Variants in ARHGEF7 observed in about 807,000 individuals in gnomAD.
ARHGEF7 encodes PAK-interacting exchange factor beta.
In ARHGEF7, 33 loss-of-function variants were observed where a neutral mutation model predicts 109.8. The ratio of observed to expected loss-of-function variants is 0.30; its 90% confidence interval spans 0.23 to 0.40. The LOEUF (loss-of-function observed/expected upper bound fraction) is 0.40, where lower values mean the gene tolerates loss of function less well. ARHGEF7 is among the 10% of genes least tolerant of loss of function. ARHGEF7 has a pLI of 1.00. For synonymous variants in ARHGEF7, 458 were observed against 424.6 expected (o/e 1.08, Z -0.97); for missense variants, 938 against 1,098.5 (o/e 0.85, Z 2.07).
intron 19 of ARHGEF7, among the ~76,000 whole-genome samples, chr13:111,295,720 T>C (rs1020370230): frequency 6.6e-6 from 1 of 152,204 alleles, no homozygotes; most frequent in Non-Finnish European, 1.5e-5. Flanking sequence ...ATTAGACCCT[T>C]AGAGCCATAA....
intron 2 of ARHGEF7, among the ~76,000 whole-genome samples, chr13:111,190,320 T>C (rs1464561593): frequency 1.3e-5 from 2 of 152,158 alleles, no homozygotes; most frequent in Non-Finnish European, 2.9e-5. Flanking sequence ...TGAAAGGCAT[T>C]GTCTGACTTC....
At chr13:111,217,414 C>G (rs2083274519) in intron 4 of ARHGEF7, among the ~76,000 whole-genome samples, 1 of 152,172 alleles carries the variant, frequency 6.6e-6, no homozygotes, top group South Asian at 2.1e-4. Context: ...TAGTGTGACT[C>G]TGTCTCTGTC....
chr13:111,163,092 A>G (rs898978095), intron 2 of ARHGEF7, among the ~76,000 whole-genome samples: 2 of 152,226 alleles, frequency 1.3e-5, no homozygotes, highest in African/African-American at 4.8e-5. Context: ...TGGTCACAAC[A>G]TAGTGTTTAT....
rs907593695 is a variant in ARHGEF7 at position 111,286,168 on chromosome 13, A to T, written c.1972A>T (p.Thr658Ser). ...YKEDLSKSPK[T>S]MKKLLPKRKP... ...CTAGGATCTTAGTAAGAGCCCTAAG[A>T]CCATGAAAAAGCTGCTGCCCAAGCG... Residue 658 changes from threonine to serine, a missense_variant, in exon 17 of 22, where the codon ACC (threonine) becomes TCC (serine). By Grantham distance (58) the Thr-to-Ser change is moderately conservative. Around this residue, in one of 4 missense-constraint regions of ARHGEF7, gnomAD observed 585 missense variants for 723.6 expected, o/e 0.81. Transcript: ENST00000646102. 1.2e-6 allele frequency: 2 copies of T among 1,613,986 alleles called. No individual in the cohort carries two copies. The highest frequency in any genetic ancestry group is 1.7e-6 in the Non-Finnish European group (2 of 1,179,902).
chr13:111,257,934 C>G (rs1379930674), intron 8 of ARHGEF7, among the ~76,000 whole-genome samples: 1 of 152,212 alleles, frequency 6.6e-6, no homozygotes, highest in African/African-American at 2.4e-5. Context: ...TCTGGCAGGC[C>G]CCGCCACTGT....
intron 8 of ARHGEF7, among the ~76,000 whole-genome samples, chr13:111,247,074 A>G (rs1003721143): frequency 6.6e-6 from 1 of 152,230 alleles, no homozygotes; most frequent in African/African-American, 2.4e-5. Flanking sequence ...ACGAGGTGTT[A>G]GAGTTCCACG....
upstream of ARHGEF7, chr13:111,114,781 GCCGCGCTCC>G (rs2066637742): frequency 6.6e-6 from 1 of 152,238 alleles, no homozygotes; most frequent in African/African-American, 2.4e-5. Flanking sequence ...TGAGGTCGGC[GCCGCGCTCC>G]GGAGAGTCGG....
At chr13:111,206,883 AC>A (rs1158488427) in intron 3 of ARHGEF7, among the ~76,000 whole-genome samples, 1 of 150,166 alleles carries the variant, frequency 6.7e-6, no homozygotes, top group Non-Finnish European at 1.5e-5. Flanking sequence ...AATGGCGTGA[AC>A]CCGGGAGGCG....
chr13:111,262,360 C>T (rs537449005), intron 8 of ARHGEF7, among the ~76,000 whole-genome samples: 1 of 152,224 alleles, frequency 6.6e-6, no homozygotes, highest in African/African-American at 2.4e-5. Context: ...ACAAGAGAGA[C>T]CTGCCAGAGG....
intron 1 of ARHGEF7, among the ~76,000 whole-genome samples, chr13:111,133,392 A>T (rs774515680): frequency 3.3e-5 from 5 of 152,134 alleles, no homozygotes; most frequent in African/African-American, 7.2e-5. Context: ...ACACATGTTG[A>T]TACACGCATG....
In ARHGEF7 at chr13:111,292,150, G is replaced by A. The variant is rs1203337706; in HGVS notation, c.2167G>A (p.Val723Ile). 6 of 1,613,164 alleles carry A rather than the reference G, an allele frequency of 3.7e-6. No individual in the cohort carries two copies. The highest frequency in any genetic ancestry group is 4.2e-6 in the Non-Finnish European group (5 of 1,180,026). The change falls in exon 19 of 22, where the codon GTC becomes ATC. Residue 723 changes from valine (V) to isoleucine (I), a missense_variant. Physicochemically the swap from Val to Ile is conservative, Grantham distance 29. Transcript: ENST00000646102. ...AGGCACTGACCTGATGCATAATCAC[G>A]TCTTGGCTGATGATGACCAACCAAG... is the stretch of plus-strand genomic sequence containing the variant. Reference protein sequence around the residue: ...WQGTDLMHNHVLADDDQPSLD... With the variant: ...WQGTDLMHNHILADDDQPSLD...
chr13:111,251,524 G>A (rs1024404547), intron 8 of ARHGEF7, among the ~76,000 whole-genome samples: 11 of 152,168 alleles, frequency 7.2e-5, no homozygotes, highest in African/African-American at 2.2e-4. Context: ...GAGGGCAGGA[G>A]GACACAGAGA....
chr13:111,253,797 G>C (rs372529824), intron 8 of ARHGEF7, among the ~76,000 whole-genome samples: 2 of 152,060 alleles, frequency 1.3e-5, no homozygotes, highest in Non-Finnish European at 2.9e-5. Flanking sequence ...AGCCTCCCCC[G>C]ATCCCTATAC....
At position 111,277,590 on chromosome 13, in the gene ARHGEF7, A is replaced by G. The variant is rs1360245229; in HGVS notation, c.1423A>G (p.Lys475Glu). 3 of 1,592,176 alleles carry G rather than the reference A, an allele frequency of 1.9e-6. No homozygotes were observed. Among genetic ancestry groups the G allele is most frequent in the African/African-American group, 1.3e-5 (1 of 74,532 alleles). The change falls in exon 13 of 22, where the codon AAG becomes GAG. Residue 475 changes from lysine (K) to glutamate (E), a missense_variant. By Grantham distance (56) the Lys-to-Glu change is moderately conservative. Transcript: ENST00000646102. ...VLIQCAGSEE[K>E]NERYLLLFPN... ...TGGATTTCTTTTTTTGTATTAGGAA[A>G]AGAATGAAAGATATCTTCTACTCTT...
rs531227306 is a variant in ARHGEF7, at chr13:111,224,996, G to A, written c.670+7116G>A. 3.3e-5 allele frequency among the ~76,000 whole-genome samples: 5 copies of A among 152,334 alleles called. No individual in the cohort carries two copies. In the East Asian group the frequency reaches 5.8e-4, roughly 18 times the overall value. On this transcript the variant is annotated intron_variant, in intron 5 of 21. Transcript: ENST00000646102. ...AAGATATGGGCCCCCCGAGGCAGGCGTAGGGAGCGTATTATAGCATTATGT... is the reference window on the plus strand; with the variant it reads ...AAGATATGGGCCCCCCGAGGCAGGCATAGGGAGCGTATTATAGCATTATGT...
rs2093567257 is a variant in ARHGEF7 at position 111,301,540 on chromosome 13, A to G, written c.2466+8A>G. 1.3e-6 allele frequency: 2 copies of G among 1,596,068 alleles called. No homozygotes were observed. The highest frequency in any genetic ancestry group is 2.2e-5 in the East Asian group (1 of 44,788). On this transcript the variant is annotated splice_region_variant and intron_variant, in intron 21 of 21. Transcript: ENST00000646102. ...GTTCAAGAATTAAGACAGGTACGTC[A>G]TAATCCATCTTTAAATCTTTTTTTT...
intron 5 of ARHGEF7, among the ~76,000 whole-genome samples, chr13:111,227,992 AC>A (rs1370013153): frequency 6.6e-6 from 1 of 152,184 alleles, no homozygotes; most frequent in African/African-American, 2.4e-5. Flanking sequence ...CCAAATACTT[AC>A]TTTGGTGAGC....
chr13:111,115,686 G>C lies in ARHGEF7; in HGVS notation c.160G>C (p.Glu54Gln), dbSNP rs2153298911. The change falls in exon 1 of 22, where the codon GAG (glutamate) becomes CAG (glutamine). Residue 54 changes from glutamate to glutamine, a missense_variant. By Grantham distance (29) the Glu-to-Gln change is conservative (BLOSUM62 2). Coordinates refer to ENST00000646102, the MANE Select transcript of ARHGEF7 (RefSeq NM_001354046.2). Reference sequence around the variant, plus strand: ...GGAGCGCCTGCTCCCCGGGACCATCGAGAAAGTAAGTCCCGGCCCGCGCCC... The same window carrying C: ...GGAGCGCCTGCTCCCCGGGACCATCCAGAAAGTAAGTCCCGGCCCGCGCCC... ...LLERLLPGTI[E>Q]KVYPEPRSES... 2 of 1,257,126 alleles carry C rather than the reference G, an allele frequency of 1.6e-6. No homozygotes were observed. The highest frequency in any genetic ancestry group is 2.2e-4 in the Middle Eastern group (1 of 4,550). 77.9% of individuals were successfully genotyped at this position (1,257,126 alleles called of 1,614,324 possible).
At position 111,220,325 on chromosome 13, in the gene ARHGEF7, G is replaced by A. The variant is rs115244447; in HGVS notation, c.670+2445G>A. On this transcript the variant is annotated intron_variant, in intron 5 of 21. Coordinates refer to ENST00000646102, the MANE Select transcript of ARHGEF7 (RefSeq NM_001354046.2). Reference sequence around the variant, plus strand: ...ACGCACCTTTGGAGTAGGGACAGACGCTTGTTCCAGCTGGTCTTTCTGACT... The same window carrying A: ...ACGCACCTTTGGAGTAGGGACAGACACTTGTTCCAGCTGGTCTTTCTGACT... Among the ~76,000 whole-genome samples, 1,028 of 152,300 alleles carry A rather than the reference G, an allele frequency of 6.7e-3. 9 individuals are homozygous for A. Among genetic ancestry groups the A allele is most frequent in the African/African-American group, 0.023 (976 of 41,562 alleles).
Sources: gnomAD v4.1 joint callset for allele counts (sites outside exome capture counted in the v4.1 genomes callset) on GRCh38, gnomAD v4.1.1 for gene constraint, gnomAD v4.1.1 regional missense constraint, MANE v1.5 for transcripts, NCBI Gene and HGNC (gene_info 2026-07-23, HGNC 2026-07-21) for gene names.